CYYR1: variants seen among roughly 807,000 people sequenced by gnomAD.
CYYR1 encodes cysteine and tyrosine rich 1.
Under a neutral mutation model 15.2 loss-of-function variants are expected in CYYR1, and 14 were observed. The ratio of observed to expected loss-of-function variants is 0.92; its 90% CI spans 0.61 to 1.44. The LOEUF is 1.44. Among genes scored for constraint, CYYR1 ranks in the 40% most tolerant of loss-of-function variants. CYYR1 has a pLI of 0.00. For synonymous variants in CYYR1, 80 were observed against 77.4 expected (o/e 1.03, Z -0.18); for missense variants, 228 against 209.5 (o/e 1.09, Z -0.54).
intron 2 of CYYR1, among the ~76,000 whole-genome samples, chr21:26,513,374 G>A (rs1351242231): frequency 6.6e-6 from 1 of 152,160 alleles, no homozygotes; most frequent in East Asian, 1.9e-4. Context: ...CCTGGAGGCT[G>A]AGACTAGGAC....
At chr21:26,506,511 T>G (rs923625289) in intron 2 of CYYR1, 1 of 152,186 alleles carries the variant, frequency 6.6e-6, no homozygotes, top group African/African-American at 2.4e-5. Context: ...AGGTGAACTC[T>G]AGGGGCAGCT....
At position 26,573,144 on chromosome 21, in the gene CYYR1, G is replaced by C. The variant is rs1380617758; in HGVS notation, c.-204C>G. On this transcript the variant is annotated 5_prime_UTR_variant, in exon 1 of 4. Coordinates refer to ENST00000652641, the MANE Select transcript of CYYR1 (RefSeq NM_001320768.2). ...GACTGCGGGACTCCGCGGAGCTGGGGCGCCCGTGGCCCGAGACGGGCTGCG... is the reference window on the plus strand; with the variant it reads ...GACTGCGGGACTCCGCGGAGCTGGGCCGCCCGTGGCCCGAGACGGGCTGCG... 2 of 1,493,956 alleles carry C rather than the reference G, an allele frequency of 1.3e-6. No individual in the cohort carries two copies. The highest frequency in any genetic ancestry group is 4.3e-5 in the Admixed American group (2 of 46,534). The allele number at this position is 1,493,956 out of a possible 1,614,324, so 92.5% of individuals were successfully genotyped here.
In CYYR1 at chr21:26,486,031, T is replaced by C. The variant is rs2065243539; in HGVS notation, c.177-5602A>G. Among the ~76,000 whole-genome samples, 3 of 152,102 alleles carry C rather than the reference T, an allele frequency of 2.0e-5. No homozygotes were observed. The East Asian group carries it at 5.8e-4, about 29-fold the overall frequency. ...ATGGCCTTAATTTGCATTCCCGTAA[T>C]GGCTAGCAAGGTTGAACATGTTTTC... On this transcript the variant is annotated intron_variant, in intron 2 of 3. Transcript: ENST00000652641.
chr21:26,477,950 A>T (rs2065124904), intron 3 of CYYR1: 5 of 1,412,878 alleles, frequency 3.5e-6, no homozygotes. Flanking sequence ...TAGTGAGTAC[A>T]TTCCAGGGTG....
chr21:26,474,163 C>T (rs2065071777), intron 3 of CYYR1, among the ~76,000 whole-genome samples: 10 of 150,658 alleles, frequency 6.6e-5, no homozygotes, highest in Admixed American at 6.6e-4. Flanking sequence ...TCTCCTGCCT[C>T]AGCATCCTGA....
At chr21:26,555,383 T>C (rs932879301) in intron 2 of CYYR1, among the ~76,000 whole-genome samples, 1 of 152,164 alleles carries the variant, frequency 6.6e-6, no homozygotes, top group Admixed American at 6.5e-5. Flanking sequence ...CACAGTAGAG[T>C]TGGCTATTTG....
chr21:26,548,726 T>A (rs201692476), intron 2 of CYYR1, among the ~76,000 whole-genome samples: 1 of 152,214 alleles, frequency 6.6e-6, no homozygotes, highest in South Asian at 2.1e-4. Context: ...TTAATAATAA[T>A]GTAGATTTTC....
intron 2 of CYYR1, among the ~76,000 whole-genome samples, chr21:26,548,670 T>C (rs2123676855): frequency 6.6e-6 from 1 of 152,290 alleles, no homozygotes; most frequent in East Asian, 1.9e-4. Context: ...TTTAGAGCAG[T>C]GTGGTCTAAG....
At chr21:26,480,522 C>T in intron 2 of CYYR1, 93 bp from the exon 3 acceptor site, 2 of 1,294,898 alleles carry the variant, frequency 1.5e-6, no homozygotes, top group Non-Finnish European at 2.1e-6. Flanking sequence ...CAAGTGTTTT[C>T]TTACAAATGT....
intron 2 of CYYR1, among the ~76,000 whole-genome samples, chr21:26,534,356 A>G (rs2065968376): frequency 6.6e-6 from 1 of 152,142 alleles, no homozygotes; most frequent in Admixed American, 6.6e-5. Flanking sequence ...TGGCCTCTCT[A>G]TTGCATCTCT....
intron 2 of CYYR1, chr21:26,564,738 T>C (rs938934664): frequency 3.3e-6 from 4 of 1,218,206 alleles, no homozygotes; most frequent in Admixed American, 4.8e-5. Context: ...AGAGCTAAGC[T>C]AGGAGCCAGA....
chr21:26,567,579 G>T (rs1201377957), intron 1 of CYYR1, among the ~76,000 whole-genome samples: 1 of 152,024 alleles, frequency 6.6e-6, no homozygotes, highest in Non-Finnish European at 1.5e-5. Context: ...TCAGATACAT[G>T]ATTAGGAAAA....
intron 2 of CYYR1, among the ~76,000 whole-genome samples, chr21:26,556,985 T>G (rs990517346): frequency 1.2e-4 from 19 of 152,142 alleles, no homozygotes; most frequent in Non-Finnish European, 1.2e-4. Flanking sequence ...TGAAACCTTC[T>G]TCAGATCTTC....
At chr21:26,508,629 G>A (rs1298742394) in intron 2 of CYYR1, among the ~76,000 whole-genome samples, 2 of 152,154 alleles carry the variant, frequency 1.3e-5, no homozygotes, top group Middle Eastern at 3.4e-3. Flanking sequence ...GTACTGAGGT[G>A]GAAATGACAA....
At chr21:26,555,409 C>G (rs1265635499) in intron 2 of CYYR1, among the ~76,000 whole-genome samples, 2 of 152,108 alleles carry the variant, frequency 1.3e-5, no homozygotes, top group East Asian at 3.9e-4. Context: ...ACAGGTAGCT[C>G]TTATTTTTTG....
At chr21:26,469,292 T>C (rs1298437044) in intron 3 of CYYR1, among the ~76,000 whole-genome samples, 2 of 151,984 alleles carry the variant, frequency 1.3e-5, no homozygotes, top group Non-Finnish European at 2.9e-5. Flanking sequence ...AGGTATTAGG[T>C]ACCAAGTACA....
intron 2 of CYYR1, among the ~76,000 whole-genome samples, chr21:26,516,789 G>C (rs1471497324): frequency 1.3e-5 from 2 of 152,126 alleles, no homozygotes; most frequent in African/African-American, 4.8e-5. Context: ...GGATTCTAGG[G>C]AATAATAAAA....
intron 2 of CYYR1, among the ~76,000 whole-genome samples, chr21:26,542,255 GAGAA>G (rs1349147476): frequency 6.9e-5 from 10 of 145,308 alleles, no homozygotes; most frequent in African/African-American, 2.6e-4. Context: ...GGGCGGGAGA[GAGAA>G]AGAGAGAGAG....
At chr21:26,560,374 G>C (rs983555169) in intron 2 of CYYR1, among the ~76,000 whole-genome samples, 2 of 152,058 alleles carry the variant, frequency 1.3e-5, no homozygotes, top group African/African-American at 4.8e-5. Flanking sequence ...TTGTAAATGA[G>C]AGCAATTTAC....
Sources: allele counts gnomAD v4.1 joint callset (sites outside exome capture counted in the v4.1 genomes callset), GRCh38; gene constraint gnomAD v4.1.1; transcripts MANE v1.5; gene names NCBI Gene and HGNC (gene_info 2026-07-23, HGNC 2026-07-21).